Variants in SIPA1L3 observed in about 807,000 individuals in gnomAD.
SIPA1L3 encodes the protein signal-induced proliferation-associated 1-like protein 3.
A neutral mutation model predicts 150.1 loss-of-function variants in SIPA1L3; 59 were observed. The ratio of observed to expected loss-of-function variants is 0.39; its 90% CI spans 0.32 to 0.49. SIPA1L3 has a LOEUF of 0.49. Ranked by LOEUF, SIPA1L3 falls within the 20% of genes least tolerant of loss-of-function variation. SIPA1L3 has a pLI of 0.86. For missense variants in SIPA1L3, 2,211 were observed against 2,489.5 expected (o/e 0.89, Z 2.38); for synonymous variants, 1,070 against 1,077.6 (o/e 0.99, Z 0.14).
intron 12 of SIPA1L3, among the ~76,000 whole-genome samples, 188 bp from the exon 13 acceptor site, chr19:38,152,652 C>A (rs112405258): frequency 6.6e-6 from 1 of 152,182 alleles, no homozygotes; most frequent in Non-Finnish European, 1.5e-5. Context: ...GACTCTCATC[C>A]CGGACCCGCA....
chr19:38,086,220 C>T (rs1023397492), intron 3 of SIPA1L3, among the ~76,000 whole-genome samples: 8 of 150,536 alleles, frequency 5.3e-5, no homozygotes, highest in African/African-American at 7.4e-5. Context: ...TCAACCTACA[C>T]GTACAAATAC....
rs753025003 is a variant in SIPA1L3, at chr19:38,119,511, G to A, written c.2497G>A (p.Val833Ile). The A allele has an allele frequency of 1.3e-5, 21 of 1,614,172 alleles. No homozygotes were observed. In the Middle Eastern group the frequency reaches 6.6e-4, roughly 51 times the overall value. Reference protein sequence around the residue: ...EYLKDLAENCVSNTPIDSTGK... With the variant: ...EYLKDLAENCISNTPIDSTGK... Reference sequence around the variant, plus strand: ...TCTCAAGGACCTGGCCGAAAACTGTGTCTCCAACACCCCCATCGACTCCAC... The same window carrying A: ...TCTCAAGGACCTGGCCGAAAACTGTATCTCCAACACCCCCATCGACTCCAC... Residue 833 changes from valine (V) to isoleucine (I), a missense_variant, in exon 9 of 22, where the codon GTC becomes ATC. Val to Ile is a conservative substitution (Grantham distance 29). This residue lies in a region of SIPA1L3 where 625 missense variants were observed against 804.2 expected (regional missense o/e 0.78). Coordinates refer to ENST00000222345, the MANE Select transcript of SIPA1L3 (RefSeq NM_015073.3).
At chr19:37,951,893 C>CAA (rs5827992) in intron 1 of SIPA1L3, among the ~76,000 whole-genome samples, 56 of 83,736 alleles carry the variant, frequency 6.7e-4, no homozygotes, top group East Asian at 8.6e-4. Context: ...AAGACTGTCT[C>CAA]AAAAAAAAAA....
intron 1 of SIPA1L3, among the ~76,000 whole-genome samples, chr19:38,014,387 A>G (rs1968178559): frequency 6.6e-6 from 1 of 152,092 alleles, no homozygotes; most frequent in Admixed American, 6.5e-5. Flanking sequence ...AGACCAGCAC[A>G]GAGGAATTAC....
intron 10 of SIPA1L3, among the ~76,000 whole-genome samples, chr19:38,133,023 C>T (rs1365252163): frequency 1.3e-5 from 2 of 152,198 alleles, no homozygotes; most frequent in African/African-American, 2.4e-5. Context: ...CTTTAGCTGG[C>T]GGCCTCCCCA....
chr19:38,020,563 G>A (rs1411187940), intron 1 of SIPA1L3, among the ~76,000 whole-genome samples: 1 of 152,214 alleles, frequency 6.6e-6, no homozygotes. Flanking sequence ...AGCTATGCAG[G>A]ATTTCCGCAG....
At chr19:38,109,204 C>T (rs929842615) in intron 7 of SIPA1L3, among the ~76,000 whole-genome samples, 7 of 152,172 alleles carry the variant, frequency 4.6e-5, no homozygotes, top group Admixed American at 2.0e-4. Context: ...CACAGCTCCA[C>T]ATGGCTGGGG....
chr19:38,014,795 G>A (rs1389933553), intron 1 of SIPA1L3, among the ~76,000 whole-genome samples: 20 of 151,264 alleles, frequency 1.3e-4, no homozygotes, highest in Admixed American at 1.3e-3. Context: ...TCAGCCTCCC[G>A]AGTAGCTGGG....
chr19:38,125,366 C>T (rs1340053367), intron 9 of SIPA1L3, among the ~76,000 whole-genome samples: 2 of 152,140 alleles, frequency 1.3e-5, no homozygotes, highest in South Asian at 2.1e-4. Flanking sequence ...TAGGCTACTC[C>T]GCCTCCCCTA....
intron 17 of SIPA1L3, 73 bp from the exon 18 acceptor site, chr19:38,193,464 G>A (rs1972848319): frequency 7.2e-7 from 1 of 1,392,260 alleles, no homozygotes; most frequent in Non-Finnish European, 9.3e-7. Flanking sequence ...GTCCTAGAGG[G>A]GAAGATGCCT....
intron 15 of SIPA1L3, among the ~76,000 whole-genome samples, chr19:38,174,616 G>A (rs1395702699): frequency 1.3e-5 from 2 of 152,068 alleles, no homozygotes; most frequent in African/African-American, 2.4e-5. Context: ...TTGGGAGGCC[G>A]AGGCGGGCGG....
chr19:37,948,431 C>T (rs1345915150), intron 1 of SIPA1L3, among the ~76,000 whole-genome samples: 1 of 150,744 alleles, frequency 6.6e-6, no homozygotes, highest in African/African-American at 2.4e-5. Context: ...TGTGCCACTG[C>T]ACTCCAGCCT....
chr19:37,908,657 T>TA (rs1292043166), intron 1 of SIPA1L3, among the ~76,000 whole-genome samples: 1 of 152,150 alleles, frequency 6.6e-6, no homozygotes, highest in African/African-American at 2.4e-5. Context: ...TGTTTGTACC[T>TA]ACATGGCAGA....
intron 2 of SIPA1L3, among the ~76,000 whole-genome samples, chr19:38,067,709 C>T (rs1172762084): frequency 6.6e-6 from 1 of 151,724 alleles, no homozygotes; most frequent in African/African-American, 2.4e-5. Context: ...TTGCAGTGAG[C>T]CGAGATCATG....
At chr19:38,199,667 TGCC>T in intron 19 of SIPA1L3, among the ~76,000 whole-genome samples, 1 of 151,510 alleles carries the variant, frequency 6.6e-6, no homozygotes, top group South Asian at 2.1e-4. Flanking sequence ...ACCATGGAGG[TGCC>T]TCCCCGGGAG....
At chr19:37,998,032 G>A (rs1967686998) in intron 1 of SIPA1L3, among the ~76,000 whole-genome samples, 2 of 152,304 alleles carry the variant, frequency 1.3e-5, no homozygotes, top group South Asian at 4.1e-4. Context: ...CAGCTGGTAA[G>A]AGCTAGATAA....
intron 1 of SIPA1L3, among the ~76,000 whole-genome samples, chr19:37,931,979 G>A (rs990752504): frequency 5.9e-5 from 9 of 152,352 alleles, no homozygotes; most frequent in African/African-American, 1.9e-4. Flanking sequence ...TTAGAACAGC[G>A]CCTTGTGCAG....
intron 6 of SIPA1L3, among the ~76,000 whole-genome samples, chr19:38,105,148 A>C (rs1038767107): frequency 5.3e-5 from 8 of 151,898 alleles, no homozygotes; most frequent in African/African-American, 1.9e-4. Context: ...ACCTGAGGTC[A>C]GGGGTTCAAC....
chr19:38,142,491 A>G (rs1391070469), intron 11 of SIPA1L3, 82 bp from the exon 12 acceptor site: 4 of 1,456,186 alleles, frequency 2.7e-6, no homozygotes, highest in East Asian at 2.4e-5. Flanking sequence ...CTGTCCATCC[A>G]TCTGTCTGTC....
Sources: gnomAD v4.1 joint callset for allele counts (sites outside exome capture counted in the v4.1 genomes callset) on GRCh38, gnomAD v4.1.1 for gene constraint, gnomAD v4.1.1 regional missense constraint, MANE v1.5 for transcripts, NCBI Gene and HGNC (gene_info 2026-07-23, HGNC 2026-07-21) for gene names.